RAMP1: variants seen among roughly 807,000 people sequenced by gnomAD.
The protein encoded by RAMP1 is receptor activity-modifying protein 1.
In RAMP1, 7 loss-of-function variants were observed where a neutral mutation model predicts 8.2. That is an observed-to-expected ratio of 0.85 (90% CI 0.49 to 1.60). The LOEUF is 1.60. Among genes scored for constraint, RAMP1 ranks in the 40% most tolerant of loss-of-function variants. The pLI, the probability that RAMP1 is intolerant of heterozygous loss-of-function variation, is 0.00. For missense variants in RAMP1, 192 were observed against 202.4 expected (o/e 0.95, Z 0.31); for synonymous variants, 92 against 84.7 (o/e 1.09, Z -0.47).
At chr2:237,869,295 A>G (rs1295689084) in intron 1 of RAMP1, among the ~76,000 whole-genome samples, 2 of 152,232 alleles carry the variant, frequency 1.3e-5, no homozygotes, top group African/African-American at 4.8e-5. Context: ...TACACCACAT[A>G]AAATGTACCA....
chr2:237,877,130 G>T lies in RAMP1; in HGVS notation c.53-94G>T, dbSNP rs561856218. 164 of 1,539,430 alleles carry T rather than the reference G, an allele frequency of 1.1e-4. No homozygotes were observed. The highest frequency in any genetic ancestry group is 1.3e-4 in the Non-Finnish European group (144 of 1,124,574). On this transcript the variant is annotated intron_variant, in intron 1 of 2. Coordinates refer to ENST00000254661, the MANE Select transcript of RAMP1 (RefSeq NM_005855.4). The surrounding 1 kb of genome is among the most constrained non-coding windows in gnomAD (Gnocchi z 4.4). ...GGGGTTGCTTAGAGGCCCCGTTCTCGTGGAGTCCGGGCTGCAGGGGCGCGC... is the reference window on the plus strand; with the variant it reads ...GGGGTTGCTTAGAGGCCCCGTTCTCTTGGAGTCCGGGCTGCAGGGGCGCGC...
At chr2:237,860,438 G>A (rs2062121398) in intron 1 of RAMP1, among the ~76,000 whole-genome samples, 1 of 152,184 alleles carries the variant, frequency 6.6e-6, no homozygotes, top group South Asian at 2.1e-4. Context: ...CCACTTGGAG[G>A]GAGAAGTGGA....
At chr2:237,910,060 T>C (rs1485088586) in intron 2 of RAMP1, among the ~76,000 whole-genome samples, 1 of 152,072 alleles carries the variant, frequency 6.6e-6, no homozygotes, top group Admixed American at 6.5e-5. Context: ...GCCATACCTG[T>C]GGGTAAAGGC....
At chr2:237,890,098 C>T (rs904477501) in intron 2 of RAMP1, among the ~76,000 whole-genome samples, 4 of 152,154 alleles carry the variant, frequency 2.6e-5, no homozygotes, top group South Asian at 2.1e-4. Context: ...AAGGAAGCTC[C>T]GGATTTTCCT....
intron 1 of RAMP1, chr2:237,874,769 G>A (rs1045256900): frequency 3.3e-6 from 3 of 904,550 alleles, no homozygotes; most frequent in Middle Eastern, 5.5e-4. Context: ...CTGGGTGCCA[G>A]CGTGAGTCAG....
Position 237,912,083 on chromosome 2 carries a change from G to A in RAMP1, c.*300G>A. On this transcript the variant is annotated 3_prime_UTR_variant, in exon 3 of 3. Transcript: ENST00000254661. ...AGCCACATTTGTGGATGAGTGGTTTGTGATTAAAAGGGATGTTCTTGAACT... is the reference window on the plus strand; with the variant it reads ...AGCCACATTTGTGGATGAGTGGTTTATGATTAAAAGGGATGTTCTTGAACT... 2.4e-6 allele frequency: 1 copy of A among 423,392 alleles called. No individual in the cohort carries two copies. The highest frequency in any genetic ancestry group is 3.8e-5 in the East Asian group (1 of 26,468). The allele number at this position is 423,392 out of a possible 1,614,324, so 26.2% of individuals were successfully genotyped here.
intron 2 of RAMP1, among the ~76,000 whole-genome samples, chr2:237,891,510 T>C (rs960856997): frequency 6.6e-6 from 1 of 152,212 alleles, no homozygotes; most frequent in East Asian, 1.9e-4. Context: ...GACAATTTTT[T>C]CCTTAGGTAA....
At position 237,883,341 on chromosome 2, in the gene RAMP1, AG is replaced by A. The variant is rs74342940; in HGVS notation, c.191+5981del. ...ACCTTCCTATGAGCGACGTAGACAA[AG>A]GCGGCCGGCCAGCCTTTTATGGGAT... On this transcript the variant is annotated intron_variant, in intron 2 of 2. Coordinates refer to ENST00000254661, the MANE Select transcript of RAMP1 (RefSeq NM_005855.4). Among the ~76,000 whole-genome samples the A allele has an allele frequency of 0.022, 3,342 of 152,272 alleles. 294 individuals carry two copies. In the East Asian group the frequency reaches 0.26, roughly 12 times the overall value.
intron 1 of RAMP1, among the ~76,000 whole-genome samples, chr2:237,866,547 A>T (rs548820011): frequency 6.6e-6 from 1 of 152,042 alleles, no homozygotes; most frequent in East Asian, 1.9e-4. Context: ...ATGGCAATAC[A>T]AGTGACCCTT....
Position 237,861,933 on chromosome 2 carries a change from T to A in RAMP1, c.52+2206T>A, listed in dbSNP as rs1423598709. Among the ~76,000 whole-genome samples, 3 of 152,138 alleles carry A rather than the reference T, an allele frequency of 2.0e-5. No individual in the cohort carries two copies. The East Asian group carries it at 5.8e-4, about 29-fold the overall frequency. ...GTACTCTTCTGTTTACTGGAGACTC[T>A]ACATGCATTCTGAAAAGTTTGTGTA... On this transcript the variant is annotated intron_variant, in intron 1 of 2. Coordinates refer to ENST00000254661, the MANE Select transcript of RAMP1 (RefSeq NM_005855.4).
chr2:237,908,868 G>C (rs2062679643), intron 2 of RAMP1, among the ~76,000 whole-genome samples: 1 of 152,108 alleles, frequency 6.6e-6, no homozygotes, highest in Admixed American at 6.5e-5. Flanking sequence ...GGGGTGACAG[G>C]CTGTGCTGTT....
chr2:237,883,202 C>T (rs1426667187), intron 2 of RAMP1, among the ~76,000 whole-genome samples: 2 of 152,108 alleles, frequency 1.3e-5, no homozygotes, highest in African/African-American at 4.8e-5. Flanking sequence ...TCATAGCTGT[C>T]CCAGGGCCCT....
chr2:237,874,867 T>C (rs561566146), intron 1 of RAMP1, among the ~76,000 whole-genome samples: 1 of 151,140 alleles, frequency 6.6e-6, no homozygotes, highest in South Asian at 2.1e-4. Flanking sequence ...TCTGAGGAAA[T>C]GGGCTGGGGG....
At chr2:237,889,532 C>T (rs112679111) in intron 2 of RAMP1, among the ~76,000 whole-genome samples, 226 of 152,298 alleles carry the variant, frequency 1.5e-3, no homozygotes, top group African/African-American at 4.3e-3. Flanking sequence ...GGTCGTACCA[C>T]GCCATTTAAA....
intron 2 of RAMP1, among the ~76,000 whole-genome samples, chr2:237,886,518 G>A (rs1387892739): frequency 1.3e-5 from 2 of 152,168 alleles, no homozygotes; most frequent in Admixed American, 1.3e-4. Flanking sequence ...GCATCTGTGA[G>A]GACCCACAGA....
rs567168420 is a variant in RAMP1, at chr2:237,901,210, C to T, written c.192-10318C>T. On this transcript the variant is annotated intron_variant, in intron 2 of 2. Coordinates refer to ENST00000254661, the MANE Select transcript of RAMP1 (RefSeq NM_005855.4). The stretch of plus-strand genomic sequence containing the variant: ...GCGTCTCCTGGGTACATCCCTCTCT[C>T]GCTGTCTTCCTTCAGGCTTTGTTTC... 1.9e-4 allele frequency among the ~76,000 whole-genome samples: 29 copies of T among 152,368 alleles called. 1 individual carries two copies. The highest frequency in any genetic ancestry group is 6.2e-4 in the South Asian group (3 of 4,824).
chr2:237,877,081 T>G lies in RAMP1; in HGVS notation c.53-143T>G. The G allele has an allele frequency of 1.0e-6, 1 of 999,350 alleles. No individual in the cohort carries two copies. The highest frequency in any genetic ancestry group is 1.5e-6 in the Non-Finnish European group (1 of 667,994). 61.9% of individuals were successfully genotyped at this position (999,350 alleles called of 1,614,324 possible). ...AGAACAATTGATGAAGAGCGTCCAC[T>G]TGGAGCCACAGTCGCCCTCTCCAGG... On this transcript the variant is annotated intron_variant, in intron 1 of 2. Coordinates refer to ENST00000254661, the MANE Select transcript of RAMP1 (RefSeq NM_005855.4). The surrounding 1 kb of genome is among the most constrained non-coding windows in gnomAD (Gnocchi z 4.4).
intron 2 of RAMP1, among the ~76,000 whole-genome samples, chr2:237,889,319 A>AGG (rs760796198): frequency 5.1e-4 from 77 of 152,284 alleles, no homozygotes; most frequent in Admixed American, 1.2e-3. Flanking sequence ...GTGTCTTTGT[A>AGG]GTTGTTCTGT....
intron 2 of RAMP1, among the ~76,000 whole-genome samples, chr2:237,889,997 C>T (rs1014426833): frequency 2.6e-5 from 4 of 152,190 alleles, no homozygotes; most frequent in Admixed American, 1.3e-4. Context: ...AAGTGGGGCC[C>T]GCCTGCAGAA....
Sources: allele counts gnomAD v4.1 joint callset (sites outside exome capture counted in the v4.1 genomes callset), GRCh38; gene constraint gnomAD v4.1.1; non-coding constraint Gnocchi (gnomAD v3.1); transcripts MANE v1.5; gene names NCBI Gene and HGNC (gene_info 2026-07-23, HGNC 2026-07-21).